Variants in NRXN3 observed in about 807,000 individuals in gnomAD.
NRXN3 encodes neurexin 3.
NRXN3 carries 32 observed loss-of-function variants against 137.6 expected under a neutral mutation model. The ratio of observed to expected loss-of-function variants is 0.23; its 90% CI spans 0.18 to 0.31. NRXN3 has a LOEUF of 0.31. NRXN3 is among the 10% of genes least tolerant of loss of function. NRXN3 has a pLI of 1.00. For missense variants in NRXN3, 1,574 were observed against 2,062.5 expected (o/e 0.76, Z 4.59); for synonymous variants, 798 against 784.5 (o/e 1.02, Z -0.29).
chr14:78,498,934 G>A (rs2095836824), intron 4 of NRXN3, among the ~76,000 whole-genome samples: 1 of 151,962 alleles, frequency 6.6e-6, no homozygotes, highest in South Asian at 2.1e-4. Context: ...TCAGCTCATA[G>A]CTCCATCTTT....
intron 4 of NRXN3, among the ~76,000 whole-genome samples, chr14:78,493,421 G>T (rs1029655183): frequency 2.6e-5 from 4 of 151,660 alleles, no homozygotes; most frequent in Non-Finnish European, 5.9e-5. Context: ...TACTTGGGAG[G>T]CTGAGGCAGG....
intron 4 of NRXN3, among the ~76,000 whole-genome samples, chr14:78,514,966 G>A (rs1407673523): frequency 6.6e-6 from 1 of 152,144 alleles, no homozygotes; most frequent in Non-Finnish European, 1.5e-5. Flanking sequence ...AGGAGCAGCT[G>A]TCATTGCTCT....
At chr14:79,239,541 C>A (rs1442698505) in intron 15 of NRXN3, among the ~76,000 whole-genome samples, 1 of 151,936 alleles carries the variant, frequency 6.6e-6, no homozygotes, top group African/African-American at 2.4e-5. Context: ...CAAAAGTGGG[C>A]ACTAAGAGTA....
At chr14:78,227,153 C>T (rs1596123299) in intron 1 of NRXN3, among the ~76,000 whole-genome samples, 1 of 151,678 alleles carries the variant, frequency 6.6e-6, no homozygotes, top group Admixed American at 6.6e-5. Flanking sequence ...AGGGAAGATT[C>T]ATGTATTTTG....
chr14:79,246,449 G>C (rs77211215), intron 15 of NRXN3, among the ~76,000 whole-genome samples: 8,374 of 152,192 alleles, frequency 0.055, 627 homozygotes, highest in African/African-American at 0.16. Flanking sequence ...CTTACATTCT[G>C]TATGCCTGGA....
intron 19 of NRXN3, among the ~76,000 whole-genome samples, chr14:79,780,601 T>C (rs1228202241): frequency 1.3e-5 from 2 of 152,122 alleles, no homozygotes; most frequent in African/African-American, 4.8e-5. Context: ...AGAGCGAGAC[T>C]CTGTCCCTAA....
At chr14:79,613,795 T>G (rs1381993084) in intron 16 of NRXN3, among the ~76,000 whole-genome samples, 1 of 152,202 alleles carries the variant, frequency 6.6e-6, no homozygotes, top group Non-Finnish European at 1.5e-5. Flanking sequence ...CAGAAACCAT[T>G]CTGTCTAAGT....
At chr14:78,712,532 A>G (rs1479046671) in intron 7 of NRXN3, among the ~76,000 whole-genome samples, 2 of 152,150 alleles carry the variant, frequency 1.3e-5, no homozygotes, top group African/African-American at 4.8e-5. Context: ...TTGACTTTGC[A>G]CTTTATTTAT....
intron 15 of NRXN3, among the ~76,000 whole-genome samples, chr14:79,073,820 A>C (rs2099691543): frequency 6.6e-6 from 1 of 152,136 alleles, no homozygotes. Flanking sequence ...TATCAAGAAA[A>C]CATTTTCTCA....
At chr14:78,824,090 G>A (rs901140868) in intron 10 of NRXN3, among the ~76,000 whole-genome samples, 1 of 147,284 alleles carries the variant, frequency 6.8e-6, no homozygotes, top group African/African-American at 2.5e-5. Context: ...ATAAAGAAAT[G>A]GGTCACCTGC....
intron 19 of NRXN3, among the ~76,000 whole-genome samples, chr14:79,795,814 G>A (rs938238358): frequency 6.6e-6 from 1 of 152,006 alleles, no homozygotes; most frequent in Non-Finnish European, 1.5e-5. Flanking sequence ...TTCTGGATAA[G>A]TTTTCTGTGC....
chr14:78,688,442 G>T (rs934648466), intron 6 of NRXN3, among the ~76,000 whole-genome samples: 1 of 152,146 alleles, frequency 6.6e-6, no homozygotes, highest in Non-Finnish European at 1.5e-5. Context: ...TTAATTATTG[G>T]ATCTGGCAAG....
At chr14:79,578,332 C>T (rs1002489346) in intron 16 of NRXN3, among the ~76,000 whole-genome samples, 18 of 152,142 alleles carry the variant, frequency 1.2e-4, no homozygotes, top group Non-Finnish European at 2.6e-4. Flanking sequence ...ATGTTGCTGA[C>T]AACAGAGCTC....
At chr14:79,063,045 G>A (rs768460478) in intron 15 of NRXN3, among the ~76,000 whole-genome samples, 17 of 152,134 alleles carry the variant, frequency 1.1e-4, no homozygotes, top group Non-Finnish European at 2.2e-4. Context: ...TTTATATTTT[G>A]TGATAAACGA....
intron 19 of NRXN3, among the ~76,000 whole-genome samples, chr14:79,723,751 A>G (rs1217834694): frequency 6.6e-6 from 1 of 152,088 alleles, no homozygotes; most frequent in Non-Finnish European, 1.5e-5. Flanking sequence ...GTGTTTACTC[A>G]TTTTCATCTC....
At chr14:79,536,026 T>C (rs968781750) in intron 16 of NRXN3, among the ~76,000 whole-genome samples, 1 of 152,226 alleles carries the variant, frequency 6.6e-6, no homozygotes, top group Non-Finnish European at 1.5e-5. Flanking sequence ...GCTCTCCAAA[T>C]GAGCAGAAGC....
chr14:78,268,488 A>G (rs1347873228), intron 2 of NRXN3, among the ~76,000 whole-genome samples: 1 of 152,180 alleles, frequency 6.6e-6, no homozygotes, highest in East Asian at 1.9e-4. Context: ...AGTTCCTTCC[A>G]TACTTTCCAG....
intron 16 of NRXN3, among the ~76,000 whole-genome samples, chr14:79,604,586 A>G (rs751106848): frequency 3.9e-4 from 59 of 151,452 alleles, no homozygotes; most frequent in Non-Finnish European, 7.2e-4. Flanking sequence ...AAGTTAATTC[A>G]CACACAACCT....
chr14:79,715,484 T>G (rs780160929), intron 19 of NRXN3, among the ~76,000 whole-genome samples: 1 of 152,168 alleles, frequency 6.6e-6, no homozygotes, highest in East Asian at 1.9e-4. Flanking sequence ...CCAGGGGCCT[T>G]TGTAGCCATT....
Sources: gnomAD v4.1 joint callset for allele counts (sites outside exome capture counted in the v4.1 genomes callset) on GRCh38, gnomAD v4.1.1 for gene constraint, MANE v1.5 for transcripts, NCBI Gene and HGNC (gene_info 2026-07-23, HGNC 2026-07-21) for gene names.